The following FMO1 variants were observed in gnomAD, a reference collection of about 807,000 sequenced individuals.
FMO1 encodes flavin containing dimethylaniline monoxygenase 1.
FMO1 carries 36 observed loss-of-function variants against 45.4 expected under a neutral mutation model. The ratio of observed to expected loss-of-function variants is 0.79; its 90% CI spans 0.61 to 1.05. The LOEUF (loss-of-function observed/expected upper bound fraction) is 1.05. Ranked by LOEUF, FMO1 falls within the 50% of genes least tolerant of loss-of-function variation. The probability of loss-of-function intolerance (pLI) is 0.00; values close to 1 mark genes in which losing one functional copy is unlikely to be tolerated. For synonymous variants in FMO1, 228 were observed against 227.2 expected, an observed-to-expected ratio of 1.00 and a Z score of -0.03; for missense variants, 615 against 640.3, an observed-to-expected ratio of 0.96 and a Z score of 0.43.
chr1:171,284,827 T>C (rs1661553630), intron 8 of FMO1, among the ~76,000 whole-genome samples: 1 of 152,046 alleles, frequency 6.6e-6, no homozygotes, highest in Non-Finnish European at 1.5e-5. Flanking sequence ...TTTTACCCTA[T>C]AGATTTTTGT....
At chr1:171,268,791 C>T (rs1660725050) in intron 3 of FMO1, among the ~76,000 whole-genome samples, 1 of 152,158 alleles carries the variant, frequency 6.6e-6, no homozygotes, top group Non-Finnish European at 1.5e-5. Flanking sequence ...AATTTGCATT[C>T]ACATTCACGA....
intron 5 of FMO1, 142 bp downstream of exon 5, chr1:171,279,013 C>T: frequency 1.5e-6 from 1 of 674,402 alleles, no homozygotes; most frequent in Non-Finnish European, 2.1e-6. Context: ...TTAATTTTTA[C>T]TGAATGTTCA....
chr1:171,259,281 G>C (rs1234173638), intron 2 of FMO1, among the ~76,000 whole-genome samples: 1 of 152,222 alleles, frequency 6.6e-6, no homozygotes, highest in Non-Finnish European at 1.5e-5. Context: ...CAGTCCTCCA[G>C]CATAGGCGGC....
chr1:171,261,003 G>A (rs1660359134), intron 2 of FMO1, among the ~76,000 whole-genome samples: 1 of 151,106 alleles, frequency 6.6e-6, no homozygotes, highest in Non-Finnish European at 1.5e-5. Flanking sequence ...AGTAGCCAAG[G>A]TAAAATGGCA....
intron 8 of FMO1, among the ~76,000 whole-genome samples, chr1:171,283,835 G>T (rs1661499001): frequency 6.6e-6 from 1 of 152,174 alleles, no homozygotes; most frequent in African/African-American, 2.4e-5. Context: ...CTGTTTTTGT[G>T]TTACAGTACC....
chr1:171,266,623 A>C (rs1660629106), intron 2 of FMO1, among the ~76,000 whole-genome samples: 1 of 152,228 alleles, frequency 6.6e-6, no homozygotes, highest in African/African-American at 2.4e-5. Context: ...ATATGATATC[A>C]ATTCACATCC....
At chr1:171,260,866 T>C (rs1282414731) in intron 2 of FMO1, among the ~76,000 whole-genome samples, 1 of 138,540 alleles carries the variant, frequency 7.2e-6, no homozygotes, top group African/African-American at 2.8e-5. Flanking sequence ...GGGGACAAGA[T>C]TGTACCACTG....
At chr1:171,269,462 C>T (rs117850919) in intron 3 of FMO1, among the ~76,000 whole-genome samples, 2 of 152,042 alleles carry the variant, frequency 1.3e-5, no homozygotes, top group Admixed American at 6.6e-5. Context: ...TTAAAAAAAA[C>T]CTCTGCAATT....
chr1:171,280,628 T>C (rs1363753888), intron 5 of FMO1, among the ~76,000 whole-genome samples, 158 bp from the exon 6 acceptor site: 1 of 152,200 alleles, frequency 6.6e-6, no homozygotes, highest in Non-Finnish European at 1.5e-5. Flanking sequence ...AACTTTAAAA[T>C]AGAAGTTAGA....
chr1:171,283,398 G>A (rs12092985), intron 8 of FMO1, among the ~76,000 whole-genome samples, 182 bp downstream of exon 8: 38,373 of 150,926 alleles, frequency 0.25, 8,022 homozygotes, highest in African/African-American at 0.58. Flanking sequence ...AGGAGAGCCT[G>A]TTTAAGAAGA....
chr1:171,283,265 T>TAAAAAAAAAAAAAAAAAAAAAAAAAAGA (rs1661448594), intron 8 of FMO1, 49 bp downstream of exon 8: 2 of 74,122 alleles, frequency 2.7e-5, no homozygotes, highest in Non-Finnish European at 2.5e-5. Context: ...CTGAAATTGG[T>TAAAAAAAAAAAAAAAAAAAAAAAAAAGA]AAAAAAAAAA....
chr1:171,281,168 A>G (rs1281362597), intron 6 of FMO1, among the ~76,000 whole-genome samples, 183 bp downstream of exon 6: 1 of 152,072 alleles, frequency 6.6e-6, no homozygotes. Flanking sequence ...TATGTATTTC[A>G]CCTTGTCAGC....
At chr1:171,254,909 A>G (rs28384840) in intron 1 of FMO1, among the ~76,000 whole-genome samples, 4,485 of 152,330 alleles carry the variant, frequency 0.029, 236 homozygotes, top group African/African-American at 0.099. Flanking sequence ...CTGTCTTAGC[A>G]TCTTACACAG....
At chr1:171,249,034 G>A (rs1223969870) in intron 1 of FMO1, among the ~76,000 whole-genome samples, 4 of 151,532 alleles carry the variant, frequency 2.6e-5, no homozygotes, top group African/African-American at 9.7e-5. Flanking sequence ...TTTTTGAAGG[G>A]TGACTACCAA....
At chr1:171,252,883 T>C (rs1659960315) in intron 1 of FMO1, among the ~76,000 whole-genome samples, 2 of 152,182 alleles carry the variant, frequency 1.3e-5, no homozygotes, top group South Asian at 4.1e-4. Context: ...TTTAAATGAA[T>C]CTCAGTCTTT....
intron 3 of FMO1, chr1:171,271,145 C>T: frequency 1.1e-6 from 1 of 880,790 alleles, no homozygotes; most frequent in Non-Finnish European, 1.9e-6. Context: ...TTTAGCTTTG[C>T]AGCCTTCTTT....
chr1:171,259,259 C>A (rs946459806), intron 2 of FMO1, among the ~76,000 whole-genome samples: 2 of 152,346 alleles, frequency 1.3e-5, no homozygotes, highest in Middle Eastern at 3.4e-3. Flanking sequence ...GCCAAGGTTA[C>A]TAGTTTAGTC....
chr1:171,261,221 T>C (rs755828147), intron 2 of FMO1, among the ~76,000 whole-genome samples: 1 of 152,138 alleles, frequency 6.6e-6, no homozygotes, highest in Non-Finnish European at 1.5e-5. Context: ...TGGACATTCC[T>C]AAACTAGGCA....
chr1:171,251,718 G>A (rs889619698), intron 1 of FMO1: 9 of 150,724 alleles, frequency 6.0e-5, no homozygotes, highest in Non-Finnish European at 1.5e-5. Flanking sequence ...TATTCTGAGG[G>A]TCCCAGGTGC....
Sources: gnomAD v4.1 joint callset for allele counts (sites outside exome capture counted in the v4.1 genomes callset) on GRCh38, gnomAD v4.1.1 for gene constraint, MANE v1.5 for transcripts, NCBI Gene and HGNC (gene_info 2026-07-23, HGNC 2026-07-21) for gene names.